The following GRM8 variants were observed in gnomAD, a reference collection of about 807,000 sequenced individuals.
GRM8 encodes metabotropic glutamate receptor 8.
In GRM8, 47 loss-of-function variants were observed where a neutral mutation model predicts 87.2. The ratio of observed to expected loss-of-function variants is 0.54; its 90% CI spans 0.43 to 0.69. The LOEUF (loss-of-function observed/expected upper bound fraction) is 0.69. GRM8 is among the 30% of genes least tolerant of loss of function. The probability of loss-of-function intolerance (pLI) is 0.00; values close to 1 mark genes in which losing one functional copy is unlikely to be tolerated. For missense variants in GRM8, 1,019 were observed against 1,139.2 expected, an observed-to-expected ratio of 0.89 and a Z score of 1.52; for synonymous variants, 396 against 404.5, an observed-to-expected ratio of 0.98 and a Z score of 0.25.
intron 7 of GRM8, among the ~76,000 whole-genome samples, chr7:126,620,745 C>T (rs557835767): frequency 7.1e-4 from 108 of 152,234 alleles, no homozygotes; most frequent in African/African-American, 2.4e-3. Context: ...GTGCAATGAA[C>T]GCAAACACTC....
intron 2 of GRM8, among the ~76,000 whole-genome samples, chr7:127,157,592 G>A (rs964032002): frequency 2.0e-5 from 3 of 151,974 alleles, no homozygotes; most frequent in Admixed American, 6.6e-5. Context: ...CTTAGTGGAT[G>A]GTCTAATACT....
chr7:127,105,860 T>A (rs78983693), intron 3 of GRM8, among the ~76,000 whole-genome samples: 3 of 152,158 alleles, frequency 2.0e-5, no homozygotes, highest in African/African-American at 7.2e-5. Context: ...ATCGTACACA[T>A]ACAAGATGGT....
intron 2 of GRM8, among the ~76,000 whole-genome samples, chr7:127,145,523 T>C (rs1439256349): frequency 6.6e-6 from 1 of 152,164 alleles, no homozygotes; most frequent in Non-Finnish European, 1.5e-5. Context: ...TTCCATAACA[T>C]CAACTTTTCA....
intron 8 of GRM8, among the ~76,000 whole-genome samples, chr7:126,573,663 C>T (rs2150991735): frequency 6.6e-6 from 1 of 151,990 alleles, no homozygotes; most frequent in South Asian, 2.1e-4. Flanking sequence ...CGGCTCATTG[C>T]AACGTCCGCC....
chr7:127,081,177 C>T (rs2283093), intron 3 of GRM8, among the ~76,000 whole-genome samples: 25,902 of 152,054 alleles, frequency 0.17, 2,364 homozygotes, highest in Non-Finnish European at 0.21. Flanking sequence ...TTGCCCAGAA[C>T]AGCCTGTTCT....
chr7:127,111,793 G>A (rs1335852864), intron 2 of GRM8, among the ~76,000 whole-genome samples: 4 of 152,146 alleles, frequency 2.6e-5, no homozygotes, highest in African/African-American at 9.7e-5. Flanking sequence ...TTGGGAGGCT[G>A]AGGTGGGCAG....
At chr7:126,472,870 C>A (rs1393771978) in intron 9 of GRM8, among the ~76,000 whole-genome samples, 2 of 152,136 alleles carry the variant, frequency 1.3e-5, no homozygotes, top group African/African-American at 2.4e-5. Flanking sequence ...ACAGCTCAGG[C>A]CATTGCTTCA....
At chr7:126,777,512 A>G (rs1236352954) in intron 6 of GRM8, among the ~76,000 whole-genome samples, 2 of 152,002 alleles carry the variant, frequency 1.3e-5, no homozygotes, top group African/African-American at 4.8e-5. Flanking sequence ...GCTTCTCCAA[A>G]TTCCCCTTTT....
chr7:126,443,947 A>G (rs1801730921), intron 10 of GRM8, among the ~76,000 whole-genome samples: 1 of 152,018 alleles, frequency 6.6e-6, no homozygotes, highest in African/African-American at 2.4e-5. Context: ...AAAGTGGTGA[A>G]AAAGTTTATT....
intron 7 of GRM8, among the ~76,000 whole-genome samples, chr7:126,665,626 A>T (rs1805678444): frequency 6.6e-6 from 1 of 152,114 alleles, no homozygotes; most frequent in South Asian, 2.1e-4. Flanking sequence ...AGGGCGGAAG[A>T]CGCAAAAATC....
chr7:126,554,827 A>G (rs182307597), intron 8 of GRM8, among the ~76,000 whole-genome samples: 10 of 152,302 alleles, frequency 6.6e-5, no homozygotes, highest in Admixed American at 2.6e-4. Flanking sequence ...ACTAAATTAC[A>G]TAACTTTGTT....
At chr7:127,043,890 G>A (rs1662251518) in intron 3 of GRM8, among the ~76,000 whole-genome samples, 1 of 152,198 alleles carries the variant, frequency 6.6e-6, no homozygotes. Context: ...ATGACCAAGA[G>A]GTTTCTAGAG....
chr7:127,147,818 T>C (rs1319427005), intron 2 of GRM8, among the ~76,000 whole-genome samples: 1 of 152,096 alleles, frequency 6.6e-6, no homozygotes, highest in Admixed American at 6.6e-5. Context: ...TAGAGCTTTG[T>C]AAAATTATTG....
At chr7:126,634,769 G>T (rs1239322297) in intron 7 of GRM8, among the ~76,000 whole-genome samples, 2 of 152,052 alleles carry the variant, frequency 1.3e-5, no homozygotes, top group African/African-American at 4.8e-5. Context: ...ATTTGCAGAC[G>T]TTATGAGTAT....
chr7:126,676,852 A>T (rs1342308996), intron 7 of GRM8, among the ~76,000 whole-genome samples: 2 of 152,184 alleles, frequency 1.3e-5, no homozygotes, highest in African/African-American at 2.4e-5. Context: ...AGCGAATGCA[A>T]TAAAAAGAAA....
chr7:126,466,490 A>G (rs374387437), intron 9 of GRM8, among the ~76,000 whole-genome samples: 91 of 152,048 alleles, frequency 6.0e-4, no homozygotes, highest in Middle Eastern at 3.4e-3. Flanking sequence ...TCCTATTGAT[A>G]TATGTATATA....
chr7:127,065,924 T>C (rs1821061617), intron 3 of GRM8, among the ~76,000 whole-genome samples: 2 of 152,232 alleles, frequency 1.3e-5, no homozygotes, highest in African/African-American at 4.8e-5. Flanking sequence ...TTCTCTTTCT[T>C]ACTCAAAAAC....
chr7:126,725,497 G>A (rs965584024), intron 7 of GRM8, among the ~76,000 whole-genome samples: 1 of 152,138 alleles, frequency 6.6e-6, no homozygotes, highest in Non-Finnish European at 1.5e-5. Context: ...CTACTCTAAA[G>A]CCCTGACTGT....
At chr7:127,193,461 G>T (rs1056057981) in intron 2 of GRM8, among the ~76,000 whole-genome samples, 1 of 152,094 alleles carries the variant, frequency 6.6e-6, no homozygotes, top group African/African-American at 2.4e-5. Context: ...TTCTTTATTG[G>T]AATGAATCCC....
Sources: allele counts gnomAD v4.1 joint callset (sites outside exome capture counted in the v4.1 genomes callset), GRCh38; gene constraint gnomAD v4.1.1; transcripts MANE v1.5; gene names NCBI Gene and HGNC (gene_info 2026-07-23, HGNC 2026-07-21).